DNAH14: variants seen among roughly 807,000 people sequenced by gnomAD.
The protein encoded by DNAH14 is dynein axonemal heavy chain 14, also known as axonemal beta dynein heavy chain 14.
In DNAH14, 478 loss-of-function variants were observed where a neutral mutation model predicts 520.9. That is an observed-to-expected ratio of 0.92 (90% CI 0.85 to 0.99). The LOEUF is 0.99. Among genes scored for constraint, DNAH14 ranks in the 50% least tolerant of loss-of-function variants. The pLI, the probability that DNAH14 is intolerant of heterozygous loss-of-function variation, is 0.00. For synonymous variants in DNAH14, 1,581 were observed against 1,757.2 expected (o/e 0.90, Z 2.51); for missense variants, 4,831 against 5,234.5 (o/e 0.92, Z 2.38).
At chr1:225,337,557 C>T in intron 67 of DNAH14, 61 bp downstream of exon 67, 1 of 1,356,166 alleles carries the variant, frequency 7.4e-7, no homozygotes, top group Non-Finnish European at 1.0e-6. Context: ...ATGCACTGAG[C>T]ATAAAGGCTA....
intron 31 of DNAH14, among the ~76,000 whole-genome samples, chr1:225,151,636 A>G (rs2080510481): frequency 6.6e-6 from 1 of 152,320 alleles, no homozygotes; most frequent in Non-Finnish European, 1.5e-5. Context: ...CTGAAGCAGG[A>G]TATCTGTGCT....
rs778420874 is a variant in DNAH14, at chr1:224,946,838, CT to C, written c.-33-5820del. 5.9e-3 allele frequency among the ~76,000 whole-genome samples: 680 copies of C among 115,124 alleles called. 3 individuals carry two copies. Among genetic ancestry groups the C allele is most frequent in the African/African-American group, 0.013 (427 of 32,070 alleles). The allele number at this position is 115,124 out of a possible 152,430, so 75.5% of individuals were successfully genotyped here. On this transcript the variant is annotated intron_variant, in intron 1 of 85. Transcript: ENST00000682510. Reference sequence around the variant, plus strand: ...TAATTTCATTTTTTTCCCCTTATGGCTTTTTTTTTTTTCCTAGCTGGATTAT... The same window carrying C: ...TAATTTCATTTTTTTCCCCTTATGGCTTTTTTTTTTTCCTAGCTGGATTAT...
At chr1:225,012,930 T>C (rs975636347) in intron 10 of DNAH14, among the ~76,000 whole-genome samples, 1 of 152,164 alleles carries the variant, frequency 6.6e-6, no homozygotes, top group Non-Finnish European at 1.5e-5. Flanking sequence ...TTGGAGGAGT[T>C]TGTTATTACC....
chr1:225,326,368 G>A (rs2094669148), intron 64 of DNAH14, among the ~76,000 whole-genome samples: 1 of 152,124 alleles, frequency 6.6e-6, no homozygotes, highest in Non-Finnish European at 1.5e-5. Context: ...TTAGCAACCA[G>A]TGTGGCATAG....
intron 3 of DNAH14, among the ~76,000 whole-genome samples, chr1:224,959,378 A>C (rs2060707685): frequency 6.6e-6 from 1 of 152,100 alleles, no homozygotes; most frequent in African/African-American, 2.4e-5. Context: ...GTGGGAAATT[A>C]TCTCTCTTCT....
At chr1:225,287,399 G>C (rs1447185898) in intron 54 of DNAH14, among the ~76,000 whole-genome samples, 1 of 152,132 alleles carries the variant, frequency 6.6e-6, no homozygotes, top group African/African-American at 2.4e-5. Context: ...ACATATACTG[G>C]AGTTGAATAA....
At chr1:224,944,139 T>C (rs1269490333) in intron 1 of DNAH14, among the ~76,000 whole-genome samples, 2 of 152,172 alleles carry the variant, frequency 1.3e-5, no homozygotes, top group African/African-American at 2.4e-5. Flanking sequence ...TAAGTCTCTT[T>C]GTAGGTCTCT....
chr1:225,184,330 A>G (rs1008470189), intron 36 of DNAH14, among the ~76,000 whole-genome samples: 3 of 152,196 alleles, frequency 2.0e-5, no homozygotes, highest in African/African-American at 4.8e-5. Flanking sequence ...ATTAAAAACC[A>G]TATGATTGGC....
intron 46 of DNAH14, among the ~76,000 whole-genome samples, chr1:225,261,694 G>A (rs2092941544): frequency 6.6e-6 from 1 of 151,998 alleles, no homozygotes; most frequent in South Asian, 2.1e-4. Flanking sequence ...TCAATGTTTT[G>A]GAAGAGTTGG....
intron 21 of DNAH14, among the ~76,000 whole-genome samples, chr1:225,091,073 TA>T (rs1173516373): frequency 2.2e-5 from 3 of 134,924 alleles, no homozygotes; most frequent in African/African-American, 7.8e-5. Flanking sequence ...AATATTAAAA[TA>T]GAGACTTTAC....
chr1:225,047,151 C>T (rs1386971884), intron 15 of DNAH14, among the ~76,000 whole-genome samples: 1 of 152,142 alleles, frequency 6.6e-6, no homozygotes, highest in Non-Finnish European at 1.5e-5. Context: ...TGCATACACA[C>T]ACAACTATAT....
At chr1:225,057,252 C>T (rs2069243772) in intron 17 of DNAH14, among the ~76,000 whole-genome samples, 1 of 152,162 alleles carries the variant, frequency 6.6e-6, no homozygotes, top group African/African-American at 2.4e-5. Context: ...CTTCACATCC[C>T]TTGTAAGTTG....
At chr1:225,100,054 C>T (rs577472842) in intron 22 of DNAH14, among the ~76,000 whole-genome samples, 16 of 152,196 alleles carry the variant, frequency 1.1e-4, no homozygotes, top group African/African-American at 3.9e-4. Flanking sequence ...ATTCCAACAA[C>T]AACAGAAACA....
chr1:225,335,940 C>T (rs1223222713), intron 66 of DNAH14, among the ~76,000 whole-genome samples: 1 of 113,380 alleles, frequency 8.8e-6, no homozygotes, highest in Non-Finnish European at 2.0e-5. Flanking sequence ...CCTATATATA[C>T]ATATATGTAT....
intron 1 of DNAH14, among the ~76,000 whole-genome samples, chr1:224,948,662 G>T (rs1333868973): frequency 1.3e-5 from 2 of 151,624 alleles, no homozygotes; most frequent in African/African-American, 4.8e-5. Flanking sequence ...TAGATGGGTT[G>T]CTTATATATT....
chr1:225,272,074 G>A lies in DNAH14; in HGVS notation c.7839+1G>A, dbSNP rs1274662997. ...GTTTAATCTTCGAGATATGTTTAAG[G>A]TTTGTTTTAATGTTCATTCTCTAGT... On this transcript the variant is annotated splice_donor_variant, in intron 51 of 85. Coordinates refer to ENST00000682510, the MANE Select transcript of DNAH14 (RefSeq NM_001367479.1). LOFTEE classifies it high-confidence loss of function. The A allele has an allele frequency of 1.3e-6, 2 of 1,547,360 alleles. No individual in the cohort carries two copies. The highest frequency in any genetic ancestry group is 1.7e-6 in the Non-Finnish European group (2 of 1,145,560).
At chr1:225,287,182 A>G (rs1234599878) in intron 54 of DNAH14, among the ~76,000 whole-genome samples, 1 of 152,208 alleles carries the variant, frequency 6.6e-6, no homozygotes, top group Non-Finnish European at 1.5e-5. Flanking sequence ...ACTTGATGAC[A>G]CAAAGAATGA....
At position 225,377,310 on chromosome 1, in the gene DNAH14, AC is replaced by A. The variant is rs1267672808; in HGVS notation, c.12592del (p.Leu4198PhefsTer5). 1.0e-5 allele frequency: 16 copies of A among 1,550,096 alleles called. No individual in the cohort carries two copies. In the African/African-American group the frequency reaches 1.8e-4, roughly 17 times the overall value. ...ATTATCCAGTCCTTACCTGATGATGACCTTCCCGAGGTCTTAGGAATACACC... is the reference window on the plus strand; with the variant it reads ...ATTATCCAGTCCTTACCTGATGATGACTTCCCGAGGTCTTAGGAATACACC... ...IHIIQSLPDD[D>X]LPEVLGIHPE... On this transcript the variant is annotated frameshift_variant, in exon 79 of 86. Coordinates refer to ENST00000682510, the MANE Select transcript of DNAH14 (RefSeq NM_001367479.1). LOFTEE classifies it high-confidence loss of function.
At chr1:225,140,427 T>G (rs896457638) in intron 27 of DNAH14, among the ~76,000 whole-genome samples, 1 of 152,204 alleles carries the variant, frequency 6.6e-6, no homozygotes, top group African/African-American at 2.4e-5. Context: ...GTATATTACT[T>G]CTGAGTCCAG....
Sources: allele counts gnomAD v4.1 joint callset (sites outside exome capture counted in the v4.1 genomes callset), GRCh38; gene constraint gnomAD v4.1.1; transcripts MANE v1.5; gene names NCBI Gene and HGNC (gene_info 2026-07-23, HGNC 2026-07-21).